The following STIP1 variants were observed in gnomAD, a reference collection of about 807,000 sequenced individuals.
The protein encoded by STIP1 is stress induced phosphoprotein 1.
In STIP1, 16 loss-of-function variants were observed where a neutral mutation model predicts 77.4. The ratio of observed to expected loss-of-function variants is 0.21; its 90% CI spans 0.14 to 0.31. The LOEUF (loss-of-function observed/expected upper bound fraction) is 0.31. STIP1 is among the 10% of genes least tolerant of loss of function. STIP1 has a pLI of 1.00. For missense variants in STIP1, 524 were observed against 684.8 expected (o/e 0.77, Z 2.62); for synonymous variants, 258 against 246.6 (o/e 1.05, Z -0.44).
Position 64,195,760 on chromosome 11 carries a change from A to C in STIP1, c.619A>C (p.Lys207Gln). ...ATPPPPPPPK[K>Q]ETKPEPMEED... is the part of the protein sequence containing the mutation. ...ACCTCCACCACCACCCCCTCCCAAA[A>C]AGGAGACCAAGCCAGAGCCAATGGA... is the stretch of plus-strand genomic sequence containing the variant. The change falls in exon 5 of 14, where the codon AAG becomes CAG. Residue 207 changes from lysine to glutamine, a missense_variant. Coordinates refer to ENST00000305218, the MANE Select transcript of STIP1 (RefSeq NM_006819.3). 3.7e-6 allele frequency: 6 copies of C among 1,614,102 alleles called. No individual in the cohort carries two copies. The highest frequency in any genetic ancestry group is 5.1e-6 in the Non-Finnish European group (6 of 1,180,012).
At position 64,204,062 on chromosome 11, in the gene STIP1, A is replaced by G. The variant is rs371812418; in HGVS notation, c.1568A>G (p.Lys523Arg). ...KDPQALSEHL[K>R]NPVIAQKIQK... ...TGCGTCTTCCTCTGTAGACACTTAAAGAATCCTGTAATAGCACAGAAGATC... is the reference window on the plus strand; with the variant it reads ...TGCGTCTTCCTCTGTAGACACTTAAGGAATCCTGTAATAGCACAGAAGATC... Residue 523 changes from lysine (K) to arginine (R), a missense_variant, in exon 14 of 14, where the codon AAG (lysine) becomes AGG (arginine). Coordinates refer to ENST00000305218, the MANE Select transcript of STIP1 (RefSeq NM_006819.3). The G allele has an allele frequency of 3.1e-5, 50 of 1,614,064 alleles. No homozygotes were observed. The highest frequency in any genetic ancestry group is 4.1e-5 in the Non-Finnish European group (48 of 1,180,038).
intron 5 of STIP1, 140 bp downstream of exon 5, chr11:64,195,953 G>C: frequency 7.7e-7 from 1 of 1,290,764 alleles, no homozygotes; most frequent in Non-Finnish European, 1.1e-6. Context: ...TGTTTCCCAG[G>C]TTGGTCTTGA....
At chr11:64,186,165 C>T (rs1286102777), upstream of STIP1, 29 of 1,550,490 alleles carry the variant, frequency 1.9e-5, no homozygotes, top group Non-Finnish European at 2.2e-5. Context: ...GAGCCGGGGT[C>T]CCGGTAGCTT....
At chr11:64,200,114 C>T (rs1368484232) in intron 9 of STIP1, 55 bp from the exon 10 acceptor site, 4 of 1,612,056 alleles carry the variant, frequency 2.5e-6, no homozygotes, top group Non-Finnish European at 3.4e-6. Context: ...AAATGGCCGG[C>T]TACACATGGG....
chr11:64,194,345 C>T lies in STIP1; in HGVS notation c.361+15C>T, dbSNP rs771836984. On this transcript the variant is annotated intron_variant, in intron 3 of 13. Coordinates refer to ENST00000305218, the MANE Select transcript of STIP1 (RefSeq NM_006819.3). The stretch of plus-strand genomic sequence containing the variant: ...CAGGTTGGCAGGTAGGTACCACGCA[C>T]AGTTTTCTTTCTTATTATTAATGTG... The T allele has an allele frequency of 5.7e-5, 92 of 1,612,218 alleles. No individual in the cohort carries two copies. Among genetic ancestry groups the T allele is most frequent in the Non-Finnish European group, 7.8e-5 (92 of 1,179,546 alleles).
Position 64,194,279 on chromosome 11 carries a change from A to C in STIP1, c.310A>C (p.Asn104His). Residue 104 changes from asparagine (N) to histidine (H), a missense_variant, in exon 3 of 14, where the codon AAT (asparagine) becomes CAT (histidine). By Grantham distance (68) the Asn-to-His change is moderately conservative. Transcript: ENST00000305218. ...TYEEGLKHEA[N>H]NPQLKEGLQN... ...TGAGGAGGGCTTAAAACACGAGGCA[A>C]ATAACCCTCAACTGAAAGAGGGTTT... 1 of 1,614,218 alleles carries C rather than the reference A, an allele frequency of 6.2e-7. No individual in the cohort carries two copies. The highest frequency in any genetic ancestry group is 8.5e-7 in the Non-Finnish European group (1 of 1,180,032).
chr11:64,200,222 A>G lies in STIP1; in HGVS notation c.1174A>G (p.Lys392Glu), dbSNP rs555267507. The G allele has an allele frequency of 1.4e-5, 22 of 1,614,052 alleles. No individual in the cohort carries two copies. The highest frequency in any genetic ancestry group is 1.6e-5 in the Non-Finnish European group (19 of 1,180,012). ...TACAGAAGCCATCAAAAGGAACCCG[A>G]AAGATGCCAAATTATACAGCAATCG... The part of the protein sequence containing the change: ...HYTEAIKRNP[K>E]DAKLYSNRAA... The change falls in exon 10 of 14, where the codon AAA (lysine) becomes GAA (glutamate). Residue 392 changes from lysine (K) to glutamate (E), a missense_variant. Physicochemically the swap from Lys to Glu is moderately conservative, Grantham distance 56. Transcript: ENST00000305218.
intron 1 of STIP1, among the ~76,000 whole-genome samples, chr11:64,192,579 T>C (rs1946104849): frequency 6.6e-6 from 1 of 152,216 alleles, no homozygotes; most frequent in Non-Finnish European, 1.5e-5. Flanking sequence ...AACTATGCCA[T>C]AGGCAAGCAT....
chr11:64,200,299 G>A lies in STIP1; in HGVS notation c.1245+6G>A, dbSNP rs1475713208. ...AGTTCCAGCTGGCACTCAAGGTGAC[G>A]AGACCTGTGGGGGCGGCCATTACTG... On this transcript the variant is annotated splice_donor_region_variant and intron_variant, in intron 10 of 13. Transcript: ENST00000305218. The A allele has an allele frequency of 6.9e-6, 11 of 1,603,832 alleles. No homozygotes were observed. Among genetic ancestry groups the A allele is most frequent in the African/African-American group, 1.3e-5 (1 of 74,192 alleles).
chr11:64,197,173 TC>T (rs1946159981), intron 5 of STIP1, 97 bp from the exon 6 acceptor site: 4 of 1,508,376 alleles, frequency 2.7e-6, no homozygotes, highest in Non-Finnish European at 1.8e-6. Flanking sequence ...AGAATTCTAT[TC>T]ATGTTAGTTG....
intron 10 of STIP1, among the ~76,000 whole-genome samples, chr11:64,201,196 T>C (rs1273688557): frequency 6.6e-6 from 1 of 152,096 alleles, no homozygotes. Context: ...TGCACCACTG[T>C]ACCCAGCTAA....
intron 9 of STIP1, 48 bp from the exon 10 acceptor site, chr11:64,200,121 T>TG: frequency 1.2e-6 from 2 of 1,611,398 alleles, no homozygotes; most frequent in Non-Finnish European, 1.7e-6. Context: ...CGGCTACACA[T>TG]GGGGGCTTTT....
chr11:64,192,914 A>C (rs1946108500), intron 1 of STIP1, among the ~76,000 whole-genome samples, 164 bp from the exon 2 acceptor site: 1 of 152,080 alleles, frequency 6.6e-6, no homozygotes, highest in African/African-American at 2.4e-5. Flanking sequence ...CTGGCTCCTT[A>C]GGGAAGGTGT....
In STIP1 at chr11:64,194,075, T is replaced by G; in HGVS notation, c.220-114T>G. 2.8e-6 allele frequency: 4 copies of G among 1,424,668 alleles called. No homozygotes were observed. The South Asian group carries it at 5.5e-5, about 20-fold the overall frequency. The allele number at this position is 1,424,668 out of a possible 1,614,324, so 88.3% of individuals were successfully genotyped here. On this transcript the variant is annotated intron_variant, in intron 2 of 13. Coordinates refer to ENST00000305218, the MANE Select transcript of STIP1 (RefSeq NM_006819.3). ...TCCTCTCCTTTTTTTCTCTTTGGCC[T>G]TCATGTGAATACTCATTTTTCCCCC... is the stretch of plus-strand genomic sequence containing the variant.
In STIP1 at chr11:64,204,229, C is replaced by A; in HGVS notation, c.*103C>A. ...AGGGAGAGCAGGGGAGAGAAGGCCT[C>A]ATCTCTCTATATTTATACATAACCC... On this transcript the variant is annotated 3_prime_UTR_variant, in exon 14 of 14. Transcript: ENST00000305218. 1.7e-6 allele frequency: 2 copies of A among 1,159,788 alleles called. No homozygotes were observed. The highest frequency in any genetic ancestry group is 2.5e-6 in the Non-Finnish European group (2 of 795,142). The allele number at this position is 1,159,788 out of a possible 1,614,324, so 71.8% of individuals were successfully genotyped here. A position where few individuals can be genotyped will look rare whatever the true frequency, so the allele number is the denominator to read the frequency against.
intron 1 of STIP1, among the ~76,000 whole-genome samples, chr11:64,187,249 A>G (rs1317268248): frequency 1.3e-5 from 2 of 152,102 alleles, no homozygotes; most frequent in Non-Finnish European, 2.9e-5. Flanking sequence ...GCTGTCATTG[A>G]GCTGTAATGA....
intron 1 of STIP1, among the ~76,000 whole-genome samples, chr11:64,191,403 C>T (rs984381173): frequency 6.6e-6 from 1 of 151,742 alleles, no homozygotes; most frequent in Non-Finnish European, 1.5e-5. Context: ...GTCAGGAGTT[C>T]GAGACCAGCC....
intron 1 of STIP1, among the ~76,000 whole-genome samples, chr11:64,189,134 G>T (rs1042700042): frequency 6.6e-6 from 1 of 152,222 alleles, no homozygotes; most frequent in Non-Finnish European, 1.5e-5. Flanking sequence ...AGGTTGAGGC[G>T]GGTGGATCAC....
At chr11:64,199,198 CA>C (rs1193213811) in intron 8 of STIP1, among the ~76,000 whole-genome samples, 1,158 of 113,750 alleles carry the variant, frequency 0.01, 13 homozygotes, top group African/African-American at 0.036. Context: ...GACTCCATCT[CA>C]AAAAAAAAAA....
Sources: allele counts gnomAD v4.1 joint callset (sites outside exome capture counted in the v4.1 genomes callset), GRCh38; gene constraint gnomAD v4.1.1; transcripts MANE v1.5; gene names NCBI Gene and HGNC (gene_info 2026-07-23, HGNC 2026-07-21).